Variants in EPHA7 observed in about 807,000 individuals in gnomAD.
EPHA7 encodes the protein ephrin type-A receptor 7.
In EPHA7, 25 loss-of-function variants were observed where a neutral mutation model predicts 112.6. The observed-to-expected ratio is 0.22, with a 90% CI of 0.16 to 0.31. The LOEUF is 0.31. EPHA7 is among the 10% of genes least tolerant of loss of function. The probability of loss-of-function intolerance (pLI) is 1.00; values close to 1 mark genes in which losing one functional copy is unlikely to be tolerated. For synonymous variants in EPHA7, 437 were observed against 406.5 expected (o/e 1.07, Z -0.90); for missense variants, 962 against 1,212.6 (o/e 0.79, Z 3.07).
chr6:93,378,182 C>A (rs1777156121), intron 3 of EPHA7, among the ~76,000 whole-genome samples: 2 of 151,826 alleles, frequency 1.3e-5, no homozygotes, highest in Non-Finnish European at 2.9e-5. Flanking sequence ...GATCATGGTG[C>A]CTTGAGGCAA....
chr6:93,260,291 G>C (rs1329035601), intron 9 of EPHA7, among the ~76,000 whole-genome samples: 2 of 151,744 alleles, frequency 1.3e-5, no homozygotes, highest in Admixed American at 6.6e-5. Flanking sequence ...AAACAACATA[G>C]AATAATCTTA....
chr6:93,373,027 T>C (rs1464012397), intron 3 of EPHA7, among the ~76,000 whole-genome samples: 2 of 152,034 alleles, frequency 1.3e-5, no homozygotes, highest in African/African-American at 2.4e-5. Context: ...TGCATATGTC[T>C]TCAACAATTG....
chr6:93,247,581 C>G (rs1034230091), intron 14 of EPHA7, among the ~76,000 whole-genome samples: 1 of 152,094 alleles, frequency 6.6e-6, no homozygotes, highest in East Asian at 1.9e-4. Flanking sequence ...ACTCCAAGTT[C>G]CCTTACCTTA....
At chr6:93,366,488 C>T (rs563113736) in intron 3 of EPHA7, among the ~76,000 whole-genome samples, 38 of 152,252 alleles carry the variant, frequency 2.5e-4, no homozygotes, top group African/African-American at 8.7e-4. Flanking sequence ...AATTGAAATG[C>T]TGTCTTTAAA....
At position 93,243,429 on chromosome 6, in the gene EPHA7, C is replaced by T. The variant is rs1582376637; in HGVS notation, c.2994G>A (p.Val998=). 1 of 1,610,368 alleles carries T rather than the reference C, an allele frequency of 6.2e-7. No homozygotes were observed. Among genetic ancestry groups the T allele is most frequent in the East Asian group, 2.2e-5 (1 of 44,818 alleles). Residue 998 remains valine (V), a synonymous_variant, in exon 17 of 17, where the codon GTG becomes GTA. Transcript: ENST00000369303. ...CCTTAAAAGGGAGAAATGCATATCA[C>T]ACTTGAATGCCAGTTCCATGTAAAT... The part of the protein sequence containing the change: ...MLHLHGTGIQ[V]
intron 5 of EPHA7, among the ~76,000 whole-genome samples, chr6:93,316,230 T>C (rs1773804025): frequency 6.6e-6 from 1 of 152,206 alleles, no homozygotes; most frequent in Non-Finnish European, 1.5e-5. Flanking sequence ...AAAACCTTCA[T>C]ATTTAACAAT....
chr6:93,307,900 A>C (rs1773337538), intron 5 of EPHA7, among the ~76,000 whole-genome samples: 1 of 152,224 alleles, frequency 6.6e-6, no homozygotes, highest in African/African-American at 2.4e-5. Flanking sequence ...TGAAAGTAGT[A>C]AACAATATCT....
In EPHA7 at chr6:93,241,055, G is replaced by C. The variant is rs951790122; in HGVS notation, c.*2371C>G. 9.7e-6 allele frequency: 2 copies of C among 207,190 alleles called. No individual in the cohort carries two copies. The highest frequency in any genetic ancestry group is 4.6e-5 in the African/African-American group (2 of 43,876). 12.8% of individuals were successfully genotyped at this position (207,190 alleles called of 1,614,324 possible). On this transcript the variant is annotated 3_prime_UTR_variant, in exon 17 of 17. Coordinates refer to ENST00000369303, the MANE Select transcript of EPHA7 (RefSeq NM_004440.4). ...ATTGCTGAAGGAAAAATTTATTTTTGAAAAAAACTCAAAAAAACTTTTATT... is the reference window on the plus strand; with the variant it reads ...ATTGCTGAAGGAAAAATTTATTTTTCAAAAAAACTCAAAAAAACTTTTATT...
chr6:93,243,065 CAAT>C lies in EPHA7; in HGVS notation c.*358_*360del. ...AAGGAAAATATTTCATTAATTTTAA[CAAT>C]AAGATCATGATTTTATTTGACAAAT... On this transcript the variant is annotated 3_prime_UTR_variant, in exon 17 of 17. Coordinates refer to ENST00000369303, the MANE Select transcript of EPHA7 (RefSeq NM_004440.4). 8.7e-6 allele frequency: 2 copies of C among 230,358 alleles called. No homozygotes were observed. The highest frequency in any genetic ancestry group is 1.3e-4 in the East Asian group (2 of 15,612). The allele number at this position is 230,358 out of a possible 1,614,324, so 14.3% of individuals were successfully genotyped here.
chr6:93,394,543 TC>T (rs1448050784), intron 3 of EPHA7, among the ~76,000 whole-genome samples: 2 of 151,742 alleles, frequency 1.3e-5, no homozygotes, highest in African/African-American at 4.8e-5. Flanking sequence ...CTATGTAAGA[TC>T]TCATCTGATT....
intron 5 of EPHA7, among the ~76,000 whole-genome samples, chr6:93,336,549 C>T (rs1333373615): frequency 2.6e-5 from 4 of 152,078 alleles, no homozygotes; most frequent in Non-Finnish European, 5.9e-5. Context: ...ACTACAGGCA[C>T]GTGCCACCAC....
chr6:93,303,375 A>C (rs1191218341), intron 5 of EPHA7, among the ~76,000 whole-genome samples: 1 of 152,104 alleles, frequency 6.6e-6, no homozygotes, highest in Non-Finnish European at 1.5e-5. Flanking sequence ...CTCGTTCCAG[A>C]AGAGTCTAAG....
chr6:93,247,507 A>C (rs1458450640), intron 14 of EPHA7, among the ~76,000 whole-genome samples: 1 of 152,182 alleles, frequency 6.6e-6, no homozygotes. Context: ...GTGTTATAAG[A>C]CAGTAGTTGT....
chr6:93,352,953 G>T (rs562022037), intron 5 of EPHA7, among the ~76,000 whole-genome samples: 1 of 152,212 alleles, frequency 6.6e-6, no homozygotes, highest in East Asian at 1.9e-4. Context: ...AGGGTGGCCA[G>T]AGGGAGAGGA....
At chr6:93,285,793 C>A (rs528787587) in intron 5 of EPHA7, among the ~76,000 whole-genome samples, 1 of 152,138 alleles carries the variant, frequency 6.6e-6, no homozygotes, top group East Asian at 1.9e-4. Flanking sequence ...ATAACGAACT[C>A]AAAAACTAAC....
At chr6:93,258,658 T>A in intron 10 of EPHA7, among the ~76,000 whole-genome samples, 1 of 148,308 alleles carries the variant, frequency 6.7e-6, no homozygotes, top group Middle Eastern at 3.6e-3. Context: ...CTATTATATA[T>A]TATATATTTA....
At chr6:93,259,538 C>T in intron 9 of EPHA7, 59 bp from the exon 10 acceptor site, 1 of 1,594,620 alleles carries the variant, frequency 6.3e-7, no homozygotes, top group Non-Finnish European at 8.6e-7. Flanking sequence ...GTGCAGTCAG[C>T]CCAGGAATTT....
chr6:93,364,920 A>C (rs1776434101), intron 3 of EPHA7, among the ~76,000 whole-genome samples: 1 of 152,168 alleles, frequency 6.6e-6, no homozygotes, highest in Non-Finnish European at 1.5e-5. Flanking sequence ...GTCTTACCAA[A>C]ACCAAGCTTA....
chr6:93,251,784 T>TA (rs1292916247), intron 14 of EPHA7, among the ~76,000 whole-genome samples: 3 of 152,020 alleles, frequency 2.0e-5, no homozygotes, highest in Non-Finnish European at 4.4e-5. Flanking sequence ...TACATTTACA[T>TA]ACATGAAGAT....
Sources: allele counts gnomAD v4.1 joint callset (sites outside exome capture counted in the v4.1 genomes callset), GRCh38; gene constraint gnomAD v4.1.1; transcripts MANE v1.5; gene names NCBI Gene and HGNC (gene_info 2026-07-23, HGNC 2026-07-21).